Variants in AGL observed in about 807,000 individuals in gnomAD.
The protein encoded by AGL is glycogen debranching enzyme.
Under a neutral mutation model 199.3 loss-of-function variants are expected in AGL, and 128 were observed. That is an observed-to-expected ratio of 0.64 (90% confidence interval 0.56 to 0.74). The LOEUF (loss-of-function observed/expected upper bound fraction) is 0.74, where lower values mean the gene tolerates loss of function less well. Among genes scored for constraint, AGL ranks in the 30% least tolerant of loss-of-function variants. The pLI is 0.00. For missense variants in AGL, 1,809 were observed against 1,820.8 expected (o/e 0.99, Z 0.12); for synonymous variants, 584 against 594.7 (o/e 0.98, Z 0.26).
chr1:99,881,500 C>G, intron 16 of AGL, 41 bp from the exon 17 acceptor site: 2 of 1,613,860 alleles, frequency 1.2e-6, no homozygotes, highest in African/African-American at 1.3e-5. Context: ...GTAAGTCTTT[C>G]CAGTTTGAGA....
At chr1:99,899,530 T>TTTCTCTC (rs1653630900) in intron 25 of AGL, among the ~76,000 whole-genome samples, 5 of 146,966 alleles carry the variant, frequency 3.4e-5, no homozygotes, top group Admixed American at 6.8e-5. Context: ...CTCTCTCTCT[T>TTTCTCTC]TCTCTCTCTC....
intron 2 of AGL, among the ~76,000 whole-genome samples, chr1:99,858,698 A>T (rs932619359): frequency 6.6e-6 from 1 of 152,222 alleles, no homozygotes; most frequent in Non-Finnish European, 1.5e-5. Flanking sequence ...TTATTACAAA[A>T]TATTAAAACC....
Position 99,861,723 on chromosome 1 carries a change from G to A in AGL, c.293+10G>A, listed in dbSNP as rs2101085296. 4 of 1,613,112 alleles carry A rather than the reference G, an allele frequency of 2.5e-6. No individual in the cohort carries two copies. The highest frequency in any genetic ancestry group is 8.5e-7 in the Non-Finnish European group (1 of 1,179,502). ...ATTATTTCCTTCAAGGGTAAGTCAGGTGTTTTGTTTGTGAGAAAAAAAGTT... is the reference window on the plus strand; with the variant it reads ...ATTATTTCCTTCAAGGGTAAGTCAGATGTTTTGTTTGTGAGAAAAAAAGTT... On this transcript the variant is annotated intron_variant, in intron 3 of 33. Transcript: ENST00000361915.
chr1:99,893,668 C>G (rs1218803292), intron 24 of AGL, among the ~76,000 whole-genome samples: 6 of 152,164 alleles, frequency 3.9e-5, no homozygotes, highest in Non-Finnish European at 8.8e-5. Context: ...TAAACTGTTA[C>G]ATCTGACATA....
intron 33 of AGL, among the ~76,000 whole-genome samples, chr1:99,920,095 C>T (rs1485474418): frequency 6.6e-6 from 1 of 152,208 alleles, no homozygotes; most frequent in Non-Finnish European, 1.5e-5. Flanking sequence ...TTATGGGCAG[C>T]ATATTCATGG....
In AGL at chr1:99,894,279, G is replaced by A. The variant is rs183096446; in HGVS notation, c.3259+1672G>A. ...AATCTATTAGTTGTGTACTCTTAGA[G>A]GTCAAAAAGTTAATACAAACATTTC... On this transcript the variant is annotated intron_variant, in intron 24 of 33. Transcript: ENST00000361915. Among the ~76,000 whole-genome samples, 10 of 152,182 alleles carry A rather than the reference G, an allele frequency of 6.6e-5. No homozygotes were observed. In the East Asian group the frequency reaches 1.9e-3, roughly 29 times the overall value.
intron 24 of AGL, among the ~76,000 whole-genome samples, chr1:99,894,924 T>C (rs935962343): frequency 6.6e-6 from 1 of 152,206 alleles, no homozygotes; most frequent in South Asian, 2.1e-4. Context: ...ATTCAACAGA[T>C]AGCAAACAAG....
intron 10 of AGL, among the ~76,000 whole-genome samples, chr1:99,876,185 T>C (rs1651518940): frequency 6.6e-6 from 1 of 152,228 alleles, no homozygotes; most frequent in Admixed American, 6.5e-5. Context: ...GCCTCAATGA[T>C]TTTTTAAAAT....
rs387906244 is a variant in AGL at position 99,921,580 on chromosome 1, T to TA, written c.4529dup (p.Tyr1510Ter). ...LPELTNENAQ[Y>*]CPFSCETQAW... ...AGAACTGACCAATGAGAATGCCCAG[T>TA]ACTGTCCTTTCAGCTGTGAAACACA... The change falls in exon 34 of 34, where the codon TAC (tyrosine) becomes TAAC (stop). Residue 1510 changes from tyrosine to a stop codon, truncating the protein, a stop_gained and frameshift_variant. Coordinates refer to ENST00000361915, the MANE Select transcript of AGL (RefSeq NM_000642.3). LOFTEE classifies it high-confidence loss of function. 79 of 1,613,128 alleles carry TA rather than the reference T, an allele frequency of 4.9e-5. No individual in the cohort carries two copies. Among genetic ancestry groups the TA allele is most frequent in the Non-Finnish European group, 6.7e-5 (79 of 1,179,490 alleles).
Position 99,900,882 on chromosome 1 carries a change from G to GT in AGL, c.3588+28dup, listed in dbSNP as rs547290311. 510 of 1,269,158 alleles carry GT rather than the reference G, an allele frequency of 4.0e-4. No individual in the cohort carries two copies. The East Asian group carries it at 8.2e-3, about 21-fold the overall frequency. 78.6% of individuals were successfully genotyped at this position (1,269,158 alleles called of 1,614,324 possible). On this transcript the variant is annotated intron_variant, in intron 26 of 33. Transcript: ENST00000361915. ...CACTGGTAAAGATATTTCTTAAAAT[G>GT]TTTTTTTGTTTTTTTTTTTTTTTCT...
rs1300247092 is a variant in AGL, at chr1:99,909,559, GT to G, written c.3701-1148del. The stretch of plus-strand genomic sequence containing the variant: ...CTTTTCCTTTGGCTAGAGTCAATTG[GT>G]TTTTCTTGGAACTCTTTGTCATTAC... On this transcript the variant is annotated intron_variant, in intron 27 of 33. Coordinates refer to ENST00000361915, the MANE Select transcript of AGL (RefSeq NM_000642.3). Among the ~76,000 whole-genome samples, 6 of 151,980 alleles carry G rather than the reference GT, an allele frequency of 3.9e-5. No individual in the cohort carries two copies. In the East Asian group the frequency reaches 9.7e-4, roughly 25 times the overall value.
chr1:99,871,685 T>G (rs1340423869), intron 7 of AGL, among the ~76,000 whole-genome samples: 4 of 152,302 alleles, frequency 2.6e-5, no homozygotes, highest in African/African-American at 9.6e-5. Flanking sequence ...CTTTTGCAAT[T>G]GTGTAACACC....
intron 10 of AGL, among the ~76,000 whole-genome samples, chr1:99,876,141 C>G (rs1298552947): frequency 2.6e-5 from 4 of 152,166 alleles, no homozygotes; most frequent in African/African-American, 9.7e-5. Flanking sequence ...TCCGAAAGTT[C>G]TAGGATTACA....
intron 27 of AGL, among the ~76,000 whole-genome samples, chr1:99,908,381 T>G (rs892349846): frequency 6.6e-6 from 1 of 152,228 alleles, no homozygotes; most frequent in African/African-American, 2.4e-5. Context: ...GTGTCTGTCT[T>G]TATGACAGAA....
intron 21 of AGL, 25 bp from the exon 22 acceptor site, chr1:99,891,195 G>A (rs1652864354): frequency 1.2e-6 from 2 of 1,612,996 alleles, no homozygotes; most frequent in Non-Finnish European, 1.7e-6. Context: ...CAATAATACA[G>A]CATGACATGT....
chr1:99,882,628 G>A (rs79457391), intron 17 of AGL, among the ~76,000 whole-genome samples: 3,660 of 152,156 alleles, frequency 0.024, 80 homozygotes, highest in Middle Eastern at 0.058. Flanking sequence ...TATTCCTCTA[G>A]CATAGAGAGT....
At position 99,874,217 on chromosome 1, in the gene AGL, C is replaced by T. The variant is rs575056136; in HGVS notation, c.959-470C>T. The stretch of plus-strand genomic sequence containing the variant: ...CTGAGGTTAGAATATTTGGTAGCAC[C>T]GGGGAGGAAAACGGGTTCCACTAAA... On this transcript the variant is annotated intron_variant, in intron 7 of 33. Coordinates refer to ENST00000361915, the MANE Select transcript of AGL (RefSeq NM_000642.3). 1.7e-4 allele frequency among the ~76,000 whole-genome samples: 25 copies of T among 147,330 alleles called. No homozygotes were observed. The East Asian group carries it at 4.0e-3, about 23-fold the overall frequency.
chr1:99,875,978 G>A (rs564951932), intron 10 of AGL, among the ~76,000 whole-genome samples: 1 of 152,226 alleles, frequency 6.6e-6, no homozygotes, highest in African/African-American at 2.4e-5. Context: ...GGGTTCAAGC[G>A]ATTCTCCTGC....
intron 27 of AGL, among the ~76,000 whole-genome samples, chr1:99,905,683 C>T (rs1654231466): frequency 1.3e-5 from 2 of 151,922 alleles, no homozygotes; most frequent in African/African-American, 4.8e-5. Flanking sequence ...AAGCAGTCCT[C>T]CTGCCTCAGA....
Sources: gnomAD v4.1 joint callset for allele counts (sites outside exome capture counted in the v4.1 genomes callset) on GRCh38, gnomAD v4.1.1 for gene constraint, MANE v1.5 for transcripts, NCBI Gene and HGNC (gene_info 2026-07-23, HGNC 2026-07-21) for gene names.